ZNF80: variants seen among roughly 807,000 people sequenced by gnomAD.
ZNF80 encodes zinc finger protein 80, also known as ZNFPT17.
For missense variants in ZNF80, 394 were observed against 334.1 expected (o/e 1.18, Z -1.40); for synonymous variants, 132 against 119.4 (o/e 1.11, Z -0.69).
In ZNF80 at chr3:114,237,099, G is replaced by A; in HGVS notation, c.-25C>T. The A allele has an allele frequency of 6.4e-7, 1 of 1,558,358 alleles. No homozygotes were observed. The highest frequency in any genetic ancestry group is 8.7e-7 in the Non-Finnish European group (1 of 1,154,592). On this transcript the variant is annotated 5_prime_UTR_variant, in exon 1 of 1. Coordinates refer to ENST00000482457, the MANE Select transcript of ZNF80 (RefSeq NM_007136.4). ...TCTTCCTCCAGAAGGTCTCCGTGTG[G>A]GAGACTGCAGCCAAACTCAAGTGCC...
At position 114,236,084 on chromosome 3, in the gene ZNF80, C is replaced by T; in HGVS notation, c.*169G>A. 1.8e-6 allele frequency: 1 copy of T among 560,778 alleles called. No homozygotes were observed. The highest frequency in any genetic ancestry group is 3.1e-6 in the Non-Finnish European group (1 of 324,702). 34.7% of individuals were successfully genotyped at this position (560,778 alleles called of 1,614,324 possible). ...ACTTGCAAAAGGCCTTCCCACATATCTCATAGAGTTTATCTCTGGAAGGAA... is the reference window on the plus strand; with the variant it reads ...ACTTGCAAAAGGCCTTCCCACATATTTCATAGAGTTTATCTCTGGAAGGAA... On this transcript the variant is annotated 3_prime_UTR_variant, in exon 1 of 1. Coordinates refer to ENST00000482457, the MANE Select transcript of ZNF80 (RefSeq NM_007136.4).
chr3:114,236,754 G>A lies in ZNF80; in HGVS notation c.321C>T (p.Cys107=), dbSNP rs1421496544. The A allele has an allele frequency of 8.7e-6, 14 of 1,614,046 alleles. No homozygotes were observed. Among genetic ancestry groups the A allele is most frequent in the Admixed American group, 3.3e-5 (2 of 59,998 alleles). Residue 107 remains cysteine (C), a synonymous_variant, in exon 1 of 1, where the codon TGC becomes TGT. Transcript: ENST00000482457. ...GGTTGAAGACCTTCCCGCACTCCAC[G>A]CACTTACAGGGCTTCTCCCCTGTGT... ...RIHTGEKPCK[C]VECGKVFNRR...
rs2078206393 is a variant in ZNF80, at chr3:114,236,895, T to C, written c.180A>G (p.Lys60=). ...KCKECGSVFN[K]NSLLVRHQQI... is the part of the protein sequence containing the mutation. ...GCTGATGTCGAACAAGGAGGCTGTT[T>C]TTGTTAAACACGCTCCCACATTCCT... Residue 60 remains lysine, a synonymous_variant, in exon 1 of 1, where the codon AAA becomes AAG. Coordinates refer to ENST00000482457, the MANE Select transcript of ZNF80 (RefSeq NM_007136.4). 6.2e-7 allele frequency: 1 copy of C among 1,614,220 alleles called. No homozygotes were observed. Among genetic ancestry groups the C allele is most frequent in the Non-Finnish European group, 8.5e-7 (1 of 1,180,034 alleles).
At position 114,236,128 on chromosome 3, in the gene ZNF80, G is replaced by T; in HGVS notation, c.*125C>A. ...GAAGGAATTCTTCAATGCCAAGTGA[G>T]GATGAGCTGCAGGTCACAGCTTTCC... On this transcript the variant is annotated 3_prime_UTR_variant, in exon 1 of 1. Coordinates refer to ENST00000482457, the MANE Select transcript of ZNF80 (RefSeq NM_007136.4). 2.9e-6 allele frequency: 2 copies of T among 692,460 alleles called. No individual in the cohort carries two copies. The highest frequency in any genetic ancestry group is 2.4e-6 in the Non-Finnish European group (1 of 416,572). 42.9% of individuals were successfully genotyped at this position (692,460 alleles called of 1,614,324 possible).
In ZNF80 at chr3:114,234,696, T is replaced by C. The variant is rs569213006; in HGVS notation, c.*1557A>G. On this transcript the variant is annotated 3_prime_UTR_variant, in exon 1 of 1. Transcript: ENST00000482457. ...ATTTATTGCAAAAACAATAAATGCT[T>C]TTTATTTTTCAAACATAAACAATAC... 1.3e-5 allele frequency: 2 copies of C among 152,312 alleles called. No homozygotes were observed. Among genetic ancestry groups the C allele is most frequent in the South Asian group, 4.1e-4 (2 of 4,830 alleles). 9.4% of individuals were successfully genotyped at this position (152,312 alleles called of 1,614,324 possible). A position where few individuals can be genotyped will look rare whatever the true frequency, so the allele number is the denominator to read the frequency against.
In ZNF80 at chr3:114,236,728, C is replaced by T. The variant is rs200366369; in HGVS notation, c.347G>A (p.Arg116His). Residue 116 changes from arginine to histidine, a missense_variant, in exon 1 of 1, where the codon CGC becomes CAC. Transcript: ENST00000482457. Reference sequence around the variant, plus strand: ...GCGGTAGCACAGGAGGTGCGACCTGCGGTTGAAGACCTTCCCGCACTCCAC... The same window carrying T: ...GCGGTAGCACAGGAGGTGCGACCTGTGGTTGAAGACCTTCCCGCACTCCAC... ...KCVECGKVFNRRSHLLCYRQI... is the reference protein window; with the variant it reads ...KCVECGKVFNHRSHLLCYRQI... 4.8e-5 allele frequency: 78 copies of T among 1,613,266 alleles called. No homozygotes were observed. The highest frequency in any genetic ancestry group is 8.3e-5 in the Admixed American group (5 of 59,934).
chr3:114,236,790 G>C lies in ZNF80; in HGVS notation c.285C>G (p.Pro95=), dbSNP rs1237059881. 1 of 1,614,082 alleles carries C rather than the reference G, an allele frequency of 6.2e-7. No homozygotes were observed. The highest frequency in any genetic ancestry group is 1.7e-5 in the Admixed American group (1 of 60,004). Reference sequence around the variant, plus strand: ...GCTTCTCCCCTGTGTGAATCCTCATGGGTCGAACGAAGTCGACCTTTTCAG... The same window carrying C: ...GCTTCTCCCCTGTGTGAATCCTCATCGGTCGAACGAAGTCGACCTTTTCAG... ...AFPEKVDFVR[P]MRIHTGEKPC... is the part of the protein sequence containing the mutation. Residue 95 remains proline (P), a synonymous_variant, in exon 1 of 1, where the codon CCC becomes CCG. Transcript: ENST00000482457.
Position 114,236,847 on chromosome 3 carries a change from A to C in ZNF80, c.228T>G (p.Pro76=), listed in dbSNP as rs1474236571. 12 of 1,614,040 alleles carry C rather than the reference A, an allele frequency of 7.4e-6. No individual in the cohort carries two copies. The highest frequency in any genetic ancestry group is 1.3e-5 in the African/African-American group (1 of 74,932). ...RHQQIHTGVK[P]YECQECGKAF... is the part of the protein sequence containing the mutation. ...CTTTTCCACACTCCTGGCATTCATAAGGCTTCACCCCAGTGTGAATCTGCT... is the reference window on the plus strand; with the variant it reads ...CTTTTCCACACTCCTGGCATTCATACGGCTTCACCCCAGTGTGAATCTGCT... Residue 76 remains proline, a synonymous_variant, in exon 1 of 1, where the codon CCT becomes CCG. Coordinates refer to ENST00000482457, the MANE Select transcript of ZNF80 (RefSeq NM_007136.4).
Position 114,236,555 on chromosome 3 carries a change from A to C in ZNF80, c.520T>G (p.Ser174Ala). The change falls in exon 1 of 1, where the codon TCT (serine) becomes GCT (alanine). Residue 174 changes from serine to alanine, a missense_variant. Physicochemically the swap from Ser to Ala is moderately conservative, Grantham distance 99. Coordinates refer to ENST00000482457, the MANE Select transcript of ZNF80 (RefSeq NM_007136.4). ...KECGKTFYYN[S>A]SLTRHMKIHT... ...ATCTTCATGTGCCGGGTTAAGGAAG[A>C]GTTGTAGTAAAAGGTTTTTCCACAT... 6.2e-7 allele frequency: 1 copy of C among 1,613,922 alleles called. No individual in the cohort carries two copies. Among genetic ancestry groups the C allele is most frequent in the Admixed American group, 1.7e-5 (1 of 60,004 alleles).
At position 114,237,025 on chromosome 3, in the gene ZNF80, T is replaced by G. The variant is rs2078207266; in HGVS notation, c.50A>C (p.Gln17Pro). The change falls in exon 1 of 1, where the codon CAG becomes CCG. Residue 17 changes from glutamine (Q) to proline (P), a missense_variant. Coordinates refer to ENST00000482457, the MANE Select transcript of ZNF80 (RefSeq NM_007136.4). The part of the protein sequence containing the change: ...GLGTGDGLHS[Q>P]VLQEQVSTGD... ...TGTGGAGACCTGCTCCTGTAAAACC[T>G]GTGAGTGCAGACCATCACCTGTCCC... 1.2e-6 allele frequency: 2 copies of G among 1,612,912 alleles called. No homozygotes were observed. Among genetic ancestry groups the G allele is most frequent in the Middle Eastern group, 1.7e-4 (1 of 6,060 alleles).
At position 114,236,904 on chromosome 3, in the gene ZNF80, C is replaced by T. The variant is rs2078206419; in HGVS notation, c.171G>A (p.Val57=). The change falls in exon 1 of 1, where the codon GTG becomes GTA. Residue 57 remains valine (V), a synonymous_variant. Transcript: ENST00000482457. ...KTYKCKECGS[V]FNKNSLLVRH... is the part of the protein sequence containing the mutation. ...GAACAAGGAGGCTGTTTTTGTTAAACACGCTCCCACATTCCTTGCATTTGT... is the reference window on the plus strand; with the variant it reads ...GAACAAGGAGGCTGTTTTTGTTAAATACGCTCCCACATTCCTTGCATTTGT... 1 of 1,614,194 alleles carries T rather than the reference C, an allele frequency of 6.2e-7. No homozygotes were observed. The highest frequency in any genetic ancestry group is 8.5e-7 in the Non-Finnish European group (1 of 1,180,028).
exon 1 of ZNF80, chr3:114,236,418 G>T (rs6438190): frequency 6.2e-7 from 1 of 1,613,832 alleles, no homozygotes; most frequent in Non-Finnish European, 8.5e-7. Flanking sequence ...CACATTCTTT[G>T]CACTCGTAGG....
Position 114,236,777 on chromosome 3 carries a change from T to C in ZNF80, c.298A>G (p.Thr100Ala). The C allele has an allele frequency of 2.5e-6, 4 of 1,614,172 alleles. No homozygotes were observed. The highest frequency in any genetic ancestry group is 2.5e-6 in the Non-Finnish European group (3 of 1,180,018). Residue 100 changes from threonine (T) to alanine (A), a missense_variant, in exon 1 of 1, where the codon ACA becomes GCA. Coordinates refer to ENST00000482457, the MANE Select transcript of ZNF80 (RefSeq NM_007136.4). ...ACGCACTTACAGGGCTTCTCCCCTG[T>C]GTGAATCCTCATGGGTCGAACGAAG... ...VDFVRPMRIH[T>A]GEKPCKCVEC...
In ZNF80 at chr3:114,236,191, GCTCT is replaced by G; in HGVS notation, c.*58_*61del. 3 of 1,271,364 alleles carry G rather than the reference GCTCT, an allele frequency of 2.4e-6. No individual in the cohort carries two copies. Among genetic ancestry groups the G allele is most frequent in the South Asian group, 1.5e-5 (1 of 67,646 alleles). 78.8% of individuals were successfully genotyped at this position (1,271,364 alleles called of 1,614,324 possible). A position where few individuals can be genotyped will look rare whatever the true frequency, so the allele number is the denominator to read the frequency against. On this transcript the variant is annotated 3_prime_UTR_variant, in exon 1 of 1. Coordinates refer to ENST00000482457, the MANE Select transcript of ZNF80 (RefSeq NM_007136.4). ...ATTCAGAGTGCTTCTCCTCAGTGTG[GCTCT>G]CTATGTATCAAAGAAAAAAAAAAAA...
rs191127345 is a variant in ZNF80, at chr3:114,236,551, G to A, written c.524C>T (p.Ser175Phe). The change falls in exon 1 of 1, where the codon TCC becomes TTC. Residue 175 changes from serine (S) to phenylalanine (F), a missense_variant. Coordinates refer to ENST00000482457, the MANE Select transcript of ZNF80 (RefSeq NM_007136.4). ...ECGKTFYYNS[S>F]LTRHMKIHTG... ...GTGAATCTTCATGTGCCGGGTTAAG[G>A]AAGAGTTGTAGTAAAAGGTTTTTCC... 4.7e-5 allele frequency: 76 copies of A among 1,613,698 alleles called. No individual in the cohort carries two copies. The East Asian group carries it at 1.5e-3, about 31-fold the overall frequency.
chr3:114,236,822 C>T lies in ZNF80; in HGVS notation c.253G>A (p.Ala85Thr), dbSNP rs772396693. 4 of 1,614,072 alleles carry T rather than the reference C, an allele frequency of 2.5e-6. No homozygotes were observed. The highest frequency in any genetic ancestry group is 3.4e-6 in the Non-Finnish European group (4 of 1,179,992). The change falls in exon 1 of 1, where the codon GCC (alanine) becomes ACC (threonine). Residue 85 changes from alanine (A) to threonine (T), a missense_variant. By Grantham distance (58) the Ala-to-Thr change is moderately conservative (BLOSUM62 0). Coordinates refer to ENST00000482457, the MANE Select transcript of ZNF80 (RefSeq NM_007136.4). Reference sequence around the variant, plus strand: ...ACGAAGTCGACCTTTTCAGGAAAGGCTTTTCCACACTCCTGGCATTCATAA... The same window carrying T: ...ACGAAGTCGACCTTTTCAGGAAAGGTTTTTCCACACTCCTGGCATTCATAA... ...KPYECQECGK[A>T]FPEKVDFVRP...
In ZNF80 at chr3:114,236,921, T is replaced by G; in HGVS notation, c.154A>C (p.Lys52Gln). 6.2e-7 allele frequency: 1 copy of G among 1,614,202 alleles called. No homozygotes were observed. The change falls in exon 1 of 1, where the codon AAG (lysine) becomes CAG (glutamine). Residue 52 changes from lysine to glutamine, a missense_variant. Physicochemically the swap from Lys to Gln is moderately conservative, Grantham distance 53 (BLOSUM62 1). Transcript: ENST00000482457. Reference sequence around the variant, plus strand: ...TTGTTAAACACGCTCCCACATTCCTTGCATTTGTAGGTCTTCCCCTCACGA... The same window carrying G: ...TTGTTAAACACGCTCCCACATTCCTGGCATTTGTAGGTCTTCCCCTCACGA... ...LVREGKTYKC[K>Q]ECGSVFNKNS...
chr3:114,236,409 A>T, exon 1 of ZNF80: 5 of 1,612,242 alleles, frequency 3.1e-6, no homozygotes, highest in Non-Finnish European at 4.2e-6. Flanking sequence ...AACCTTTCCC[A>T]CATTCTTTGC....
Position 114,236,021 on chromosome 3 carries a change from C to T in ZNF80, c.*232G>A, listed in dbSNP as rs1371602691. 1.0e-5 allele frequency: 4 copies of T among 390,972 alleles called. No individual in the cohort carries two copies. Among genetic ancestry groups the T allele is most frequent in the African/African-American group, 2.1e-5 (1 of 48,632 alleles). 24.2% of individuals were successfully genotyped at this position (390,972 alleles called of 1,614,324 possible). A position where few individuals can be genotyped will look rare whatever the true frequency, so the allele number is the denominator to read the frequency against. On this transcript the variant is annotated 3_prime_UTR_variant, in exon 1 of 1. Coordinates refer to ENST00000482457, the MANE Select transcript of ZNF80 (RefSeq NM_007136.4). ...ACTAGTTTTTGTCAAAATGTCTTTT[C>T]GCAGTTTAAGTTCTCTGACGTTGAC...
Sources: allele counts gnomAD v4.1 joint callset, GRCh38; gene constraint gnomAD v4.1.1; transcripts MANE v1.5; gene names NCBI Gene and HGNC (gene_info 2026-07-23, HGNC 2026-07-21).